The following H1-2 variants were observed in gnomAD, a reference collection of about 807,000 sequenced individuals.
The protein encoded by H1-2 is histone H1.2.
A neutral mutation model predicts 7.2 loss-of-function variants in H1-2; 7 were observed. The observed-to-expected ratio is 0.97, with a 90% CI of 0.55 to 1.82. The LOEUF (loss-of-function observed/expected upper bound fraction) is 1.82. H1-2 is among the 40% of genes most tolerant of loss of function. The pLI, the probability that H1-2 is intolerant of heterozygous loss-of-function variation, is 0.00. For missense variants in H1-2, 703 were observed against 276.6 expected (o/e 2.54, Z -10.94); for synonymous variants, 300 against 118.2 (o/e 2.54, Z -9.98).
rs374787064 is a variant in H1-2, at chr6:26,055,965, G to A, written c.464C>T (p.Pro155Leu). 8.1e-6 allele frequency: 13 copies of A among 1,613,864 alleles called. No individual in the cohort carries two copies. Among genetic ancestry groups the A allele is most frequent in the African/African-American group, 5.3e-5 (4 of 74,852 alleles). ...ATPKKSAKKT[P>L]KKAKKPAAAT... ...CGCGGCCGGCTTCTTCGCTTTCTTC[G>A]GTGTTTTCTTAGCGCTCTTCTTCGG... Residue 155 changes from proline to leucine, a missense_variant, in exon 1 of 1, where the codon CCG becomes CTG. Physicochemically the swap from Pro to Leu is moderately conservative, Grantham distance 98 (BLOSUM62 -3). Transcript: ENST00000343677.
Position 26,056,258 on chromosome 6 carries a change from A to G in H1-2, c.171T>C (p.Val57=). The G allele has an allele frequency of 1.2e-6, 2 of 1,614,204 alleles. No homozygotes were observed. Among genetic ancestry groups the G allele is most frequent in the Non-Finnish European group, 1.7e-6 (2 of 1,180,032 alleles). ...AVAASKERSG[V]SLAALKKALA... The stretch of plus-strand genomic sequence containing the variant: ...ACGCTTTTTTCAGAGCAGCCAGAGA[A>G]ACTCCGCTACGCTCTTTAGAGGCGG... Residue 57 remains valine (V), a synonymous_variant, in exon 1 of 1, where the codon GTT becomes GTC. Coordinates refer to ENST00000343677, the MANE Select transcript of H1-2 (RefSeq NM_005319.4).
rs1436742595 is a variant in H1-2, at chr6:26,056,111, T to C, written c.318A>G (p.Lys106=). The C allele has an allele frequency of 1.2e-6, 2 of 1,614,124 alleles. No individual in the cohort carries two copies. The highest frequency in any genetic ancestry group is 1.7e-6 in the Non-Finnish European group (2 of 1,180,030). Residue 106 remains lysine, a synonymous_variant, in exon 1 of 1, where the codon AAA becomes AAG. Coordinates refer to ENST00000343677, the MANE Select transcript of H1-2 (RefSeq NM_005319.4). ...CCCCGGAGGCTGCCTTCTTGTTGAG[T>C]TTAAAGGAGCCAGAAGCACCGGTGC... ...TKGTGASGSF[K]LNKKAASGEA...
rs778893844 is a variant in H1-2 at position 26,055,907 on chromosome 6, T to G, written c.522A>C (p.Pro174=). The change falls in exon 1 of 1, where the codon CCA becomes CCC. Residue 174 remains proline, a synonymous_variant. Transcript: ENST00000343677. ...TGGGCTTCGCAACCTTGGCCTTCTT[T>G]GGGCTCTTAGCCACTTTCTTGGTTA... The part of the protein sequence containing the change: ...ATVTKKVAKS[P]KKAKVAKPKK... 7 of 1,614,110 alleles carry G rather than the reference T, an allele frequency of 4.3e-6. No homozygotes were observed. The highest frequency in any genetic ancestry group is 1.3e-5 in the African/African-American group (1 of 74,948).
chr6:26,056,449 G>C lies in H1-2; in HGVS notation c.-21C>G, dbSNP rs534374342. ...GACATGTTGAGAATCAAAAACTCGG[G>C]TACAAGTGGCAAAGCGCCGATGAAG... On this transcript the variant is annotated 5_prime_UTR_variant, in exon 1 of 1. Coordinates refer to ENST00000343677, the MANE Select transcript of H1-2 (RefSeq NM_005319.4). The C allele has an allele frequency of 2.6e-6, 4 of 1,548,682 alleles. No homozygotes were observed. Among genetic ancestry groups the C allele is most frequent in the South Asian group, 2.5e-5 (2 of 80,496 alleles).
At position 26,056,008 on chromosome 6, in the gene H1-2, CCTTCTTGGG is replaced by C. The variant is rs749190253; in HGVS notation, c.412_420del (p.Pro138_Lys140del). On this transcript the variant is annotated inframe_deletion, in exon 1 of 1. Coordinates refer to ENST00000343677, the MANE Select transcript of H1-2 (RefSeq NM_005319.4). ...TTCTTCGGAGTTGCGCCGCCAGCCG[CCTTCTTGGG>C]CTTCTTGGCTGCCCCAACTGGCTTC... is the stretch of plus-strand genomic sequence containing the variant. The C allele has an allele frequency of 1.5e-4, 237 of 1,613,940 alleles. 1 individual carries two copies. Among genetic ancestry groups the C allele is most frequent in the Middle Eastern group, 5.0e-4 (3 of 6,006 alleles).
rs547786942 is a variant in H1-2 at position 26,056,012 on chromosome 6, C to G, written c.417G>C (p.Lys139Asn). The change falls in exon 1 of 1, where the codon AAG becomes AAC. Residue 139 changes from lysine to asparagine, a missense_variant. Lys to Asn is a moderately conservative substitution (Grantham distance 94). Coordinates refer to ENST00000343677, the MANE Select transcript of H1-2 (RefSeq NM_005319.4). ...KKPVGAAKKP[K>N]KAAGGATPKK... ...TCGGAGTTGCGCCGCCAGCCGCCTT[C>G]TTGGGCTTCTTGGCTGCCCCAACTG... The G allele has an allele frequency of 3.0e-5, 49 of 1,613,648 alleles. No homozygotes were observed. In the Admixed American group the frequency reaches 5.3e-4, roughly 18 times the overall value.
Position 26,056,332 on chromosome 6 carries a change from G to C in H1-2, c.97C>G (p.Arg33Gly), listed in dbSNP as rs766992808. 3 of 1,613,930 alleles carry C rather than the reference G, an allele frequency of 1.9e-6. No homozygotes were observed. The highest frequency in any genetic ancestry group is 1.7e-5 in the Admixed American group (1 of 60,004). Reference protein sequence around the residue: ...KAAKKAGGTPRKASGPPVSEL... With the variant: ...KAAKKAGGTPGKASGPPVSEL... ...GACACCGGGGGACCAGACGCCTTAC[G>C]AGGCGTACCCCCAGCCTTTTTGGCC... The change falls in exon 1 of 1, where the codon CGT (arginine) becomes GGT (glycine). Residue 33 changes from arginine to glycine, a missense_variant. Coordinates refer to ENST00000343677, the MANE Select transcript of H1-2 (RefSeq NM_005319.4).
rs1367787887 is a variant in H1-2 at position 26,055,749 on chromosome 6, T to C, written c.*38A>G. 7.7e-6 allele frequency: 12 copies of C among 1,550,878 alleles called. No homozygotes were observed. The highest frequency in any genetic ancestry group is 2.1e-5 in the Admixed American group (1 of 46,514). On this transcript the variant is annotated 3_prime_UTR_variant, in exon 1 of 1. Coordinates refer to ENST00000343677, the MANE Select transcript of H1-2 (RefSeq NM_005319.4). ...CTTTTATTGAGATCAGTGGTGGCTC[T>C]GAAAAGAGCCTTTTGGGTTTTAGAA...
In H1-2 at chr6:26,056,175, T is replaced by C. The variant is rs1221938524; in HGVS notation, c.254A>G (p.Lys85Arg). The change falls in exon 1 of 1, where the codon AAG (lysine) becomes AGG (arginine). Residue 85 changes from lysine to arginine, a missense_variant. Physicochemically the swap from Lys to Arg is conservative, Grantham distance 26. Coordinates refer to ENST00000343677, the MANE Select transcript of H1-2 (RefSeq NM_005319.4). ...KNNSRIKLGL[K>R]SLVSKGTLVQ... ...CAGAGTGCCCTTGCTCACCAGGCTC[T>C]TGAGACCAAGTTTGATACGGCTGTT... 3.1e-6 allele frequency: 5 copies of C among 1,614,232 alleles called. No individual in the cohort carries two copies. The highest frequency in any genetic ancestry group is 1.1e-5 in the South Asian group (1 of 91,092).
In H1-2 at chr6:26,056,396, G is replaced by C. The variant is rs539669898; in HGVS notation, c.33C>G (p.Ala11=). ...CAGGGGCCTTCTCCGCAGGAGGCGC[G>C]GCAGCGGGAGCGGCAGGAGCAGTCT... The part of the protein sequence containing the change: MSETAPAAPA[A]APPAEKAPVK... Residue 11 remains alanine (A), a synonymous_variant, in exon 1 of 1, where the codon GCC becomes GCG. Coordinates refer to ENST00000343677, the MANE Select transcript of H1-2 (RefSeq NM_005319.4). The C allele has an allele frequency of 6.2e-6, 10 of 1,600,834 alleles. No homozygotes were observed. In the South Asian group the frequency reaches 1.1e-4, roughly 18 times the overall value.
In H1-2 at chr6:26,056,116, A is replaced by G. The variant is rs1392653376; in HGVS notation, c.313T>C (p.Phe105Leu). The change falls in exon 1 of 1, where the codon TTT (phenylalanine) becomes CTT (leucine). Residue 105 changes from phenylalanine (F) to leucine (L), a missense_variant. By Grantham distance (22) the Phe-to-Leu change is conservative. Coordinates refer to ENST00000343677, the MANE Select transcript of H1-2 (RefSeq NM_005319.4). ...QTKGTGASGS[F>L]KLNKKAASGE... is the part of the protein sequence containing the mutation. The stretch of plus-strand genomic sequence containing the variant: ...GAGGCTGCCTTCTTGTTGAGTTTAA[A>G]GGAGCCAGAAGCACCGGTGCCTTTC... 1 of 1,614,232 alleles carries G rather than the reference A, an allele frequency of 6.2e-7. No homozygotes were observed. The highest frequency in any genetic ancestry group is 1.7e-5 in the Admixed American group (1 of 60,024).
At position 26,056,277 on chromosome 6, in the gene H1-2, G is replaced by A. The variant is rs549427826; in HGVS notation, c.152C>T (p.Ser51Phe). 8.1e-6 allele frequency: 13 copies of A among 1,614,250 alleles called. No individual in the cohort carries two copies. Among genetic ancestry groups the A allele is most frequent in the South Asian group, 4.4e-5 (4 of 91,090 alleles). ...CAGAGAAACTCCGCTACGCTCTTTA[G>A]AGGCGGCCACAGCCTTGGTGATGAG... ...SELITKAVAA[S>F]KERSGVSLAA... The change falls in exon 1 of 1, where the codon TCT becomes TTT. Residue 51 changes from serine (S) to phenylalanine (F), a missense_variant. Transcript: ENST00000343677.
chr6:26,056,156 G>C lies in H1-2; in HGVS notation c.273C>G (p.Gly91=), dbSNP rs1455166440. 11 of 1,614,114 alleles carry C rather than the reference G, an allele frequency of 6.8e-6. No homozygotes were observed. Among genetic ancestry groups the C allele is most frequent in the Admixed American group, 3.3e-5 (2 of 60,010 alleles). The change falls in exon 1 of 1, where the codon GGC becomes GGG. Residue 91 remains glycine, a synonymous_variant. Coordinates refer to ENST00000343677, the MANE Select transcript of H1-2 (RefSeq NM_005319.4). ...CGGTGCCTTTCGTTTGCACCAGAGT[G>C]CCCTTGCTCACCAGGCTCTTGAGAC... ...KLGLKSLVSK[G]TLVQTKGTGA... is the part of the protein sequence containing the mutation.
At position 26,056,040 on chromosome 6, in the gene H1-2, T is replaced by C. The variant is rs1319235950; in HGVS notation, c.389A>G (p.Lys130Arg). Residue 130 changes from lysine to arginine, a missense_variant, in exon 1 of 1, where the codon AAG becomes AGG. Transcript: ENST00000343677. ...GGGCTTCTTGGCTGCCCCAACTGGC[T>C]TCTTAGGTTTGGTTCCGCCCGCCTT... ...VKKAGGTKPK[K>R]PVGAAKKPKK... The C allele has an allele frequency of 1.2e-6, 2 of 1,614,000 alleles. No individual in the cohort carries two copies. Among genetic ancestry groups the C allele is most frequent in the African/African-American group, 1.3e-5 (1 of 74,918 alleles).
Position 26,056,459 on chromosome 6 carries a change from C to A in H1-2, c.-31G>T, listed in dbSNP as rs200956401. The A allele has an allele frequency of 4.4e-4, 680 of 1,540,934 alleles. 2 individuals are homozygous for A. In the Middle Eastern group the frequency reaches 4.4e-3, roughly 10 times the overall value. On this transcript the variant is annotated 5_prime_UTR_variant, in exon 1 of 1. Coordinates refer to ENST00000343677, the MANE Select transcript of H1-2 (RefSeq NM_005319.4). ...GAATCAAAAACTCGGGTACAAGTGG[C>A]AAAGCGCCGATGAAGCAGCGCCTGG... is the stretch of plus-strand genomic sequence containing the variant.
Position 26,056,337 on chromosome 6 carries a change from G to T in H1-2, c.92C>A (p.Thr31Lys), listed in dbSNP as rs769526254. 6.2e-7 allele frequency: 1 copy of T among 1,613,910 alleles called. No homozygotes were observed. The highest frequency in any genetic ancestry group is 8.5e-7 in the Non-Finnish European group (1 of 1,179,886). Reference sequence around the variant, plus strand: ...CGGGGGACCAGACGCCTTACGAGGCGTACCCCCAGCCTTTTTGGCCGCCTT... The same window carrying T: ...CGGGGGACCAGACGCCTTACGAGGCTTACCCCCAGCCTTTTTGGCCGCCTT... ...KKKAAKKAGG[T>K]PRKASGPPVS... is the part of the protein sequence containing the mutation. The change falls in exon 1 of 1, where the codon ACG (threonine) becomes AAG (lysine). Residue 31 changes from threonine to lysine, a missense_variant. Thr to Lys is a moderately conservative substitution (Grantham distance 78). Coordinates refer to ENST00000343677, the MANE Select transcript of H1-2 (RefSeq NM_005319.4).
chr6:26,055,901 C>T lies in H1-2; in HGVS notation c.528G>A (p.Lys176=), dbSNP rs140766420. ...CTTTCTTGGGCTTCGCAACCTTGGCCTTCTTTGGGCTCTTAGCCACTTTCT... is the reference window on the plus strand; with the variant it reads ...CTTTCTTGGGCTTCGCAACCTTGGCTTTCTTTGGGCTCTTAGCCACTTTCT... ...VTKKVAKSPK[K]AKVAKPKKAA... The change falls in exon 1 of 1, where the codon AAG becomes AAA. Residue 176 remains lysine, a synonymous_variant. Coordinates refer to ENST00000343677, the MANE Select transcript of H1-2 (RefSeq NM_005319.4). 5 of 1,614,168 alleles carry T rather than the reference C, an allele frequency of 3.1e-6. No individual in the cohort carries two copies. The highest frequency in any genetic ancestry group is 1.1e-5 in the South Asian group (1 of 91,076).
chr6:26,056,351 T>C lies in H1-2; in HGVS notation c.78A>G (p.Lys26=), dbSNP rs777900602. The C allele has an allele frequency of 1.9e-6, 3 of 1,613,546 alleles. No individual in the cohort carries two copies. The highest frequency in any genetic ancestry group is 2.2e-5 in the South Asian group (2 of 91,054). The change falls in exon 1 of 1, where the codon AAA becomes AAG. Residue 26 remains lysine, a synonymous_variant. Transcript: ENST00000343677. Reference sequence around the variant, plus strand: ...CCTTACGAGGCGTACCCCCAGCCTTTTTGGCCGCCTTCTTCTTTACAGGGG... The same window carrying C: ...CCTTACGAGGCGTACCCCCAGCCTTCTTGGCCGCCTTCTTCTTTACAGGGG... ...EKAPVKKKAA[K]KAGGTPRKAS...
Position 26,056,363 on chromosome 6 carries a change from C to CA in H1-2, c.65_66insT (p.Lys22AsnfsTer13), listed in dbSNP as rs757006917. ...TACCCCCAGCCTTTTTGGCCGCCTTCTTCTTTACAGGGGCCTTCTCCGCAG... is the reference window on the plus strand; with the variant it reads ...TACCCCCAGCCTTTTTGGCCGCCTTCATTCTTTACAGGGGCCTTCTCCGCAG... On this transcript the variant is annotated frameshift_variant, in exon 1 of 1. Transcript: ENST00000343677. LOFTEE classifies it high-confidence loss of function. 1 of 1,613,432 alleles carries CA rather than the reference C, an allele frequency of 6.2e-7. No individual in the cohort carries two copies. The highest frequency in any genetic ancestry group is 1.1e-5 in the South Asian group (1 of 91,054).
Sources: gnomAD v4.1 joint callset for allele counts on GRCh38, gnomAD v4.1.1 for gene constraint, MANE v1.5 for transcripts, NCBI Gene and HGNC (gene_info 2026-07-23, HGNC 2026-07-21) for gene names.